Variants in DNM3 observed in about 807,000 individuals in gnomAD.
DNM3 encodes dynamin 3.
A neutral mutation model predicts 101.6 loss-of-function variants in DNM3; 47 were observed. The ratio of observed to expected loss-of-function variants is 0.46; its 90% confidence interval spans 0.37 to 0.59. DNM3 has a LOEUF of 0.59. Ranked by LOEUF, DNM3 falls within the 20% of genes least tolerant of loss-of-function variation. DNM3 has a pLI of 0.00. For missense variants in DNM3, 849 were observed against 1,085.7 expected, an observed-to-expected ratio of 0.78 and a Z score of 3.06; for synonymous variants, 385 against 387.9, an observed-to-expected ratio of 0.99 and a Z score of 0.09.
chr1:172,320,013 A>C (rs940684117), intron 16 of DNM3, among the ~76,000 whole-genome samples: 21 of 151,948 alleles, frequency 1.4e-4, no homozygotes, highest in African/African-American at 5.1e-4. Flanking sequence ...CTGGATTAAG[A>C]AAATGTGGCA....
At chr1:172,347,403 G>C (rs1385956779) in intron 17 of DNM3, among the ~76,000 whole-genome samples, 1 of 152,032 alleles carries the variant, frequency 6.6e-6, no homozygotes, top group Non-Finnish European at 1.5e-5. Flanking sequence ...CAATTTTGGA[G>C]TTACTAGGTA....
intron 1 of DNM3, among the ~76,000 whole-genome samples, chr1:171,871,659 A>G (rs2125086783): frequency 6.6e-6 from 1 of 152,280 alleles, no homozygotes; most frequent in East Asian, 1.9e-4. Flanking sequence ...CATATAAGTT[A>G]CATACCCTAA....
intron 4 of DNM3, among the ~76,000 whole-genome samples, chr1:171,997,511 T>C (rs1310713776): frequency 2.0e-5 from 3 of 151,982 alleles, no homozygotes; most frequent in Non-Finnish European, 4.4e-5. Context: ...AGAGAGAGCG[T>C]TCAGTGCTTT....
intron 19 of DNM3, 73 bp from the exon 20 acceptor site, chr1:172,388,500 T>G (rs1346937891): frequency 7.6e-7 from 1 of 1,317,412 alleles, no homozygotes; most frequent in African/African-American, 1.5e-5. Context: ...AGCAGGAAGT[T>G]ACAAAACATT....
intron 2 of DNM3, among the ~76,000 whole-genome samples, chr1:171,943,126 T>G (rs2041929107): frequency 6.6e-6 from 1 of 150,506 alleles, no homozygotes; most frequent in Non-Finnish European, 1.5e-5. Context: ...AAAATAAAAA[T>G]AAAAAATAAA....
chr1:172,309,483 C>G (rs1182616185), intron 16 of DNM3: 1 of 152,166 alleles, frequency 6.6e-6, no homozygotes, highest in African/African-American at 2.4e-5. Flanking sequence ...TAAATTTAAA[C>G]AGAAGTCTCA....
intron 4 of DNM3, among the ~76,000 whole-genome samples, chr1:171,993,442 A>G (rs912775444): frequency 1.1e-4 from 16 of 149,826 alleles, no homozygotes; most frequent in Admixed American, 7.3e-4. Context: ...TCAGCTGTCA[A>G]TCTCATTGAG....
chr1:171,885,525 T>C (rs1471894596), intron 1 of DNM3, among the ~76,000 whole-genome samples: 2 of 152,158 alleles, frequency 1.3e-5, no homozygotes, highest in Non-Finnish European at 2.9e-5. Flanking sequence ...TAACCAGGAA[T>C]AGAATCATCC....
intron 17 of DNM3, among the ~76,000 whole-genome samples, chr1:172,330,204 A>G (rs975152813): frequency 6.6e-6 from 1 of 152,218 alleles, no homozygotes; most frequent in Non-Finnish European, 1.5e-5. Context: ...AACATTGTTC[A>G]TAATTACCAA....
chr1:172,313,148 G>A (rs185048323), intron 16 of DNM3, among the ~76,000 whole-genome samples: 1 of 152,050 alleles, frequency 6.6e-6, no homozygotes, highest in African/African-American at 2.4e-5. Context: ...ATTTTCTATG[G>A]TCACTAAATT....
intron 1 of DNM3, among the ~76,000 whole-genome samples, chr1:171,914,847 G>C (rs903744568): frequency 6.6e-6 from 1 of 152,192 alleles, no homozygotes; most frequent in African/African-American, 2.4e-5. Flanking sequence ...AGGCACTGAA[G>C]GAGGCTCTGA....
At chr1:172,207,553 C>A (rs1418279763) in intron 14 of DNM3, among the ~76,000 whole-genome samples, 1 of 152,094 alleles carries the variant, frequency 6.6e-6, no homozygotes, top group Non-Finnish European at 1.5e-5. Context: ...GCTTTCAAGG[C>A]AGAGTAACAG....
intron 16 of DNM3, among the ~76,000 whole-genome samples, chr1:172,322,357 A>C (rs2065756689): frequency 1.3e-5 from 2 of 152,170 alleles, no homozygotes; most frequent in Admixed American, 1.3e-4. Flanking sequence ...CCTTGTGAGA[A>C]GAGTTCAGAT....
intron 14 of DNM3, among the ~76,000 whole-genome samples, chr1:172,222,719 G>A (rs931020908): frequency 2.6e-5 from 4 of 152,050 alleles, no homozygotes; most frequent in Admixed American, 6.6e-5. Context: ...TGACAATGGC[G>A]CCAAAGAACC....
At chr1:172,220,696 G>A (rs2060875834) in intron 14 of DNM3, among the ~76,000 whole-genome samples, 1 of 152,170 alleles carries the variant, frequency 6.6e-6, no homozygotes. Flanking sequence ...GGAAAGCAGT[G>A]TGTTTAAGTA....
chr1:171,913,925 A>C (rs995056630), intron 1 of DNM3, among the ~76,000 whole-genome samples: 2 of 151,674 alleles, frequency 1.3e-5, no homozygotes, highest in African/African-American at 4.8e-5. Context: ...AGTAGCTGGG[A>C]CTACAGGCTC....
intron 15 of DNM3, among the ~76,000 whole-genome samples, chr1:172,257,498 A>G (rs918451224): frequency 6.6e-6 from 1 of 152,160 alleles, no homozygotes; most frequent in African/African-American, 2.4e-5. Flanking sequence ...AGCCCTCTTC[A>G]TTCCTAATAA....
intron 2 of DNM3, among the ~76,000 whole-genome samples, chr1:171,940,986 G>A (rs1008375928): frequency 2.6e-5 from 4 of 151,900 alleles, no homozygotes; most frequent in African/African-American, 9.7e-5. Flanking sequence ...GTTTATTATT[G>A]TCTAAATTGT....
Position 172,068,890 on chromosome 1 carries a change from G to A in DNM3, c.1407G>A (p.Gly469=). Residue 469 remains glycine (G), a synonymous_variant, in exon 11 of 21, where the codon GGG becomes GGA. Coordinates refer to ENST00000627582, the MANE Select transcript of DNM3 (RefSeq NM_015569.5). ...IVANHIRERE[G]KTKDQVLLLI... ...CTAACCACATTCGTGAGCGAGAAGG[G>A]AAGACAAAGGACCAGGTAAAGAGAG... 1 of 1,563,128 alleles carries A rather than the reference G, an allele frequency of 6.4e-7. No individual in the cohort carries two copies. The highest frequency in any genetic ancestry group is 1.2e-5 in the South Asian group (1 of 84,602).
Sources: allele counts gnomAD v4.1 joint callset (sites outside exome capture counted in the v4.1 genomes callset), GRCh38; gene constraint gnomAD v4.1.1; transcripts MANE v1.5; gene names NCBI Gene and HGNC (gene_info 2026-07-23, HGNC 2026-07-21).